The following GRIN3A variants were observed in gnomAD, a reference collection of about 807,000 sequenced individuals.
GRIN3A encodes the protein glutamate receptor ionotropic, NMDA 3A.
GRIN3A carries 47 observed loss-of-function variants against 92.4 expected under a neutral mutation model. The ratio of observed to expected loss-of-function variants is 0.51; its 90% CI spans 0.40 to 0.65. The LOEUF is 0.65. Ranked by LOEUF, GRIN3A falls within the 30% of genes least tolerant of loss-of-function variation. The pLI is 0.00. For missense variants in GRIN3A, 1,324 were observed against 1,393.1 expected, an observed-to-expected ratio of 0.95 and a Z score of 0.79; for synonymous variants, 527 against 540.6, an observed-to-expected ratio of 0.97 and a Z score of 0.35.
chr9:101,649,666 G>C (rs954934470), intron 3 of GRIN3A, among the ~76,000 whole-genome samples: 1 of 151,926 alleles, frequency 6.6e-6, no homozygotes, highest in African/African-American at 2.4e-5. Flanking sequence ...GGGGATTTTT[G>C]TGCTTCTCCT....
Position 101,737,643 on chromosome 9 carries a change from G to T in GRIN3A, c.337C>A (p.Pro113Thr). 6.2e-7 allele frequency: 1 copy of T among 1,608,788 alleles called. No homozygotes were observed. The highest frequency in any genetic ancestry group is 8.5e-7 in the Non-Finnish European group (1 of 1,178,818). The change falls in exon 1 of 9, where the codon CCC (proline) becomes ACC (threonine). Residue 113 changes from proline (P) to threonine (T), a missense_variant. Coordinates refer to ENST00000361820, the MANE Select transcript of GRIN3A (RefSeq NM_133445.3). ...GCCTCCGCCCTGGCGCCCTCCCCGG[G>T]CTTACGGGAGCCCGGCGGCCCCCGG... is the stretch of plus-strand genomic sequence containing the variant. ...HGRGPPGSRK[P>T]GEGARAEALW...
At chr9:101,585,735 C>T (rs1459816857) in intron 6 of GRIN3A, among the ~76,000 whole-genome samples, 1 of 152,180 alleles carries the variant, frequency 6.6e-6, no homozygotes, top group Admixed American at 6.5e-5. Flanking sequence ...ACCATCCCCT[C>T]TCACCTCACC....
chr9:101,668,311 T>C (rs1829269796), intron 3 of GRIN3A, among the ~76,000 whole-genome samples: 1 of 152,096 alleles, frequency 6.6e-6, no homozygotes, highest in Admixed American at 6.6e-5. Flanking sequence ...TAGTATTGTG[T>C]TCATCTTTTT....
At chr9:101,578,259 A>G (rs1827850887) in intron 7 of GRIN3A, among the ~76,000 whole-genome samples, 1 of 152,192 alleles carries the variant, frequency 6.6e-6, no homozygotes, top group Admixed American at 6.5e-5. Flanking sequence ...ACAATAAGGA[A>G]GATCTGTGGA....
At chr9:101,663,734 C>T (rs1829205481) in intron 3 of GRIN3A, among the ~76,000 whole-genome samples, 1 of 151,734 alleles carries the variant, frequency 6.6e-6, no homozygotes, top group African/African-American at 2.4e-5. Flanking sequence ...GCCCTCACAG[C>T]ATGTCTATTT....
intron 1 of GRIN3A, among the ~76,000 whole-genome samples, chr9:101,688,220 G>T (rs2118980948): frequency 6.6e-6 from 1 of 152,270 alleles, no homozygotes; most frequent in African/African-American, 2.4e-5. Flanking sequence ...AAACGAAGAA[G>T]TGTGGCCTGT....
At chr9:101,640,341 G>A (rs1404499775) in intron 3 of GRIN3A, among the ~76,000 whole-genome samples, 1 of 152,218 alleles carries the variant, frequency 6.6e-6, no homozygotes, top group Middle Eastern at 3.2e-3. Context: ...GAAGGCAGCA[G>A]TCAGCTGAGT....
intron 6 of GRIN3A, among the ~76,000 whole-genome samples, chr9:101,585,115 A>C (rs1005810808): frequency 3.9e-5 from 6 of 152,156 alleles, no homozygotes; most frequent in Admixed American, 6.5e-5. Flanking sequence ...ATCACCTGTC[A>C]AACAATTCCT....
At chr9:101,621,284 C>CA (rs33962051) in intron 5 of GRIN3A, among the ~76,000 whole-genome samples, 35,924 of 128,946 alleles carry the variant, frequency 0.28, 4,717 homozygotes, top group African/African-American at 0.41. Flanking sequence ...GACTCAGTCT[C>CA]AAAAAAAAAA....
chr9:101,701,600 C>T (rs903270450), intron 1 of GRIN3A, among the ~76,000 whole-genome samples: 1 of 152,008 alleles, frequency 6.6e-6, no homozygotes, highest in African/African-American at 2.4e-5. Context: ...AACAAACAGA[C>T]AAAAAACCTT....
intron 3 of GRIN3A, among the ~76,000 whole-genome samples, chr9:101,633,621 T>G (rs557009811): frequency 5.7e-4 from 87 of 152,290 alleles, no homozygotes; most frequent in Middle Eastern, 3.4e-3. Flanking sequence ...CGGCATGATA[T>G]TCTCATAGGA....
chr9:101,620,684 A>G (rs1828537605), intron 5 of GRIN3A, among the ~76,000 whole-genome samples: 1 of 152,146 alleles, frequency 6.6e-6, no homozygotes, highest in Non-Finnish European at 1.5e-5. Flanking sequence ...TTATATGCCT[A>G]GCATTGTACT....
At chr9:101,632,035 C>T (rs965384137) in intron 3 of GRIN3A, among the ~76,000 whole-genome samples, 9 of 152,314 alleles carry the variant, frequency 5.9e-5, no homozygotes, top group Admixed American at 1.3e-4. Flanking sequence ...TGTTTGGCTC[C>T]TGCCTTCCTT....
chr9:101,724,516 G>GAGCA (rs948651605), intron 1 of GRIN3A, among the ~76,000 whole-genome samples: 24 of 152,188 alleles, frequency 1.6e-4, no homozygotes, highest in African/African-American at 5.1e-4. Flanking sequence ...CAAGCTGAGG[G>GAGCA]AGCAGGCTCC....
intron 1 of GRIN3A, among the ~76,000 whole-genome samples, chr9:101,694,589 T>A (rs12000109): frequency 0.13 from 19,925 of 152,160 alleles, 1,586 homozygotes; most frequent in Admixed American, 0.19. Flanking sequence ...CACCCAAACC[T>A]TGGTAATCTT....
chr9:101,706,658 C>T (rs1013502311), intron 1 of GRIN3A, among the ~76,000 whole-genome samples: 1 of 152,202 alleles, frequency 6.6e-6, no homozygotes, highest in African/African-American at 2.4e-5. Context: ...GGAGAAACTT[C>T]CTCATTGTCC....
intron 3 of GRIN3A, among the ~76,000 whole-genome samples, chr9:101,651,718 A>T (rs925584797): frequency 6.6e-6 from 1 of 151,434 alleles, no homozygotes; most frequent in Non-Finnish European, 1.5e-5. Flanking sequence ...GAGGGTTATT[A>T]TAAGTCTGTA....
intron 6 of GRIN3A, among the ~76,000 whole-genome samples, chr9:101,597,416 C>T (rs1304796606): frequency 6.6e-6 from 1 of 152,176 alleles, no homozygotes; most frequent in African/African-American, 2.4e-5. Flanking sequence ...AACAGATGGA[C>T]ATTAGACAGG....
chr9:101,641,806 A>G (rs546187932), intron 3 of GRIN3A, among the ~76,000 whole-genome samples: 102 of 151,226 alleles, frequency 6.7e-4, no homozygotes, highest in Non-Finnish European at 1.3e-3. Context: ...AAAAAAAACG[A>G]AATGCAATAA....
Sources: allele counts gnomAD v4.1 joint callset (sites outside exome capture counted in the v4.1 genomes callset), GRCh38; gene constraint gnomAD v4.1.1; transcripts MANE v1.5; gene names NCBI Gene and HGNC (gene_info 2026-07-23, HGNC 2026-07-21).